Variants in RBMS3 observed in about 807,000 individuals in gnomAD.
RBMS3 encodes the protein RNA binding motif single stranded interacting protein 3, also known as RNA-binding motif, single-stranded-interacting protein 3.
In RBMS3, 27 loss-of-function variants were observed where a neutral mutation model predicts 66.8. The observed-to-expected ratio is 0.40, with a 90% CI of 0.30 to 0.56. The LOEUF (loss-of-function observed/expected upper bound fraction) is 0.56. Ranked by LOEUF, RBMS3 falls within the 20% of genes least tolerant of loss-of-function variation. The probability of loss-of-function intolerance (pLI) is 0.40; values close to 1 mark genes in which losing one functional copy is unlikely to be tolerated. For synonymous variants in RBMS3, 188 were observed against 183.0 expected (o/e 1.03, Z -0.22); for missense variants, 513 against 549.5 (o/e 0.93, Z 0.66).
At chr3:29,593,675 CCCCCATGGGGACAAG>C (rs2047843556) in intron 4 of RBMS3, among the ~76,000 whole-genome samples, 1 of 147,144 alleles carries the variant, frequency 6.8e-6, no homozygotes, top group African/African-American at 2.7e-5. Context: ...TCCCATTTTT[CCCCCATGGGGACAAG>C]GGCTGTAGGC....
At chr3:29,327,425 C>T (rs1043130401) in intron 1 of RBMS3, among the ~76,000 whole-genome samples, 4 of 152,136 alleles carry the variant, frequency 2.6e-5, no homozygotes, top group African/African-American at 9.7e-5. Context: ...AGAGTGTTCT[C>T]CAAAAAATGC....
At chr3:29,879,645 G>C (rs1338119872) in intron 7 of RBMS3, among the ~76,000 whole-genome samples, 1 of 151,888 alleles carries the variant, frequency 6.6e-6, no homozygotes, top group Non-Finnish European at 1.5e-5. Flanking sequence ...TTATGTATCA[G>C]GCCAGACCTC....
rs1491567884 is a variant in RBMS3, at chr3:29,527,181, T to TTAAAAAAAAAAAAAAAA, written c.307+38682_307+38683insTAAAAAAAAAAAAAAAA. 2.6e-3 allele frequency among the ~76,000 whole-genome samples: 227 copies of TTAAAAAAAAAAAAAAAA among 87,820 alleles called. 24 individuals carry two copies. The highest frequency in any genetic ancestry group is 7.1e-3 in the African/African-American group (149 of 21,076). 57.6% of individuals were successfully genotyped at this position (87,820 alleles called of 152,430 possible). ...TTTCAGACGTGATTGTTAGGTAGAGTAAAAAAAAAAAAAAAAAAAAAAAAA... is the reference window on the plus strand; with the variant it reads ...TTTCAGACGTGATTGTTAGGTAGAGTTAAAAAAAAAAAAAAAAAAAAAAAAAAAAAAAAAAAAAAAAA... On this transcript the variant is annotated intron_variant, in intron 3 of 14. Transcript: ENST00000383767.
chr3:29,604,267 A>T (rs1222167519), intron 4 of RBMS3, among the ~76,000 whole-genome samples: 2 of 151,962 alleles, frequency 1.3e-5, no homozygotes, highest in Non-Finnish European at 2.9e-5. Context: ...ATTTCATCTT[A>T]TAAGTGACAA....
intron 10 of RBMS3, among the ~76,000 whole-genome samples, chr3:29,915,018 T>C (rs2060604201): frequency 6.6e-6 from 1 of 151,648 alleles, no homozygotes; most frequent in South Asian, 2.1e-4. Flanking sequence ...ATAAGAAAAA[T>C]TTAAAAGTCC....
At chr3:29,944,109 T>C (rs1695139113) in intron 11 of RBMS3, 98 bp from the exon 12 acceptor site, 4 of 1,092,332 alleles carry the variant, frequency 3.7e-6, no homozygotes, top group Non-Finnish European at 5.5e-6. Flanking sequence ...CAGGCAACCA[T>C]ATGACACACA....
intron 1 of RBMS3, among the ~76,000 whole-genome samples, chr3:29,302,476 A>T (rs1416591463): frequency 6.6e-6 from 1 of 152,026 alleles, no homozygotes; most frequent in East Asian, 1.9e-4. Flanking sequence ...ATTGGAAAGA[A>T]AATTTCAGGG....
chr3:29,386,863 C>T (rs2039032438), intron 1 of RBMS3, among the ~76,000 whole-genome samples: 2 of 152,156 alleles, frequency 1.3e-5, no homozygotes, highest in African/African-American at 2.4e-5. Context: ...TTTTTGTCAA[C>T]GTCATCAAAG....
chr3:29,917,081 T>A (rs571772765), intron 10 of RBMS3, among the ~76,000 whole-genome samples: 18 of 152,040 alleles, frequency 1.2e-4, no homozygotes, highest in Non-Finnish European at 2.5e-4. Context: ...CATACATTTT[T>A]TGGGTGTCTG....
At chr3:29,604,414 T>C (rs2048252254) in intron 4 of RBMS3, among the ~76,000 whole-genome samples, 1 of 152,012 alleles carries the variant, frequency 6.6e-6, no homozygotes, top group Admixed American at 6.6e-5. Context: ...GTGACACTTC[T>C]ATTTTTTAAG....
intron 1 of RBMS3, among the ~76,000 whole-genome samples, chr3:29,351,028 A>G (rs7630791): frequency 0.24 from 36,740 of 151,984 alleles, 4,995 homozygotes; most frequent in Non-Finnish European, 0.31. Flanking sequence ...GCACATATAT[A>G]AAGTTATTAT....
chr3:29,852,314 G>A (rs182341414), intron 6 of RBMS3, among the ~76,000 whole-genome samples: 2 of 152,228 alleles, frequency 1.3e-5, no homozygotes, highest in Admixed American at 1.3e-4. Context: ...TGACAAATGG[G>A]ATCTAATTTA....
chr3:29,623,787 A>G (rs2048962736), intron 4 of RBMS3, among the ~76,000 whole-genome samples: 1 of 152,174 alleles, frequency 6.6e-6, no homozygotes, highest in South Asian at 2.1e-4. Flanking sequence ...GGACAATGGA[A>G]TGCTCCCTTC....
At chr3:29,865,852 A>G (rs1323374262) in intron 6 of RBMS3, among the ~76,000 whole-genome samples, 1 of 152,156 alleles carries the variant, frequency 6.6e-6, no homozygotes, top group Non-Finnish European at 1.5e-5. Flanking sequence ...TTCTTCCTCA[A>G]GGATGATACC....
intron 2 of RBMS3, among the ~76,000 whole-genome samples, chr3:29,463,527 C>T (rs72853368): frequency 0.028 from 4,178 of 149,740 alleles, 199 homozygotes; most frequent in African/African-American, 0.096. Context: ...CTGTCAGCAA[C>T]GATTACTCAT....
intron 3 of RBMS3, among the ~76,000 whole-genome samples, chr3:29,586,701 A>G (rs754503701): frequency 2.0e-5 from 3 of 152,114 alleles, no homozygotes; most frequent in Non-Finnish European, 4.4e-5. Context: ...AGTTCTTATC[A>G]TGGTTTTTGT....
At chr3:29,396,171 A>G (rs1388538004) in intron 1 of RBMS3, among the ~76,000 whole-genome samples, 2 of 152,082 alleles carry the variant, frequency 1.3e-5, no homozygotes, top group African/African-American at 2.4e-5. Flanking sequence ...TGAGAAGGAC[A>G]TAACATAACT....
intron 4 of RBMS3, among the ~76,000 whole-genome samples, chr3:29,630,556 C>T (rs2049247301): frequency 6.6e-6 from 1 of 151,886 alleles, no homozygotes; most frequent in South Asian, 2.1e-4. Context: ...AGAGAGAAAA[C>T]AAGCTCACTA....
intron 1 of RBMS3, among the ~76,000 whole-genome samples, chr3:29,358,490 G>A (rs2037362812): frequency 6.6e-6 from 1 of 152,162 alleles, no homozygotes; most frequent in South Asian, 2.1e-4. Context: ...GATGCCTCCA[G>A]CTTTGTTCTT....
Sources: allele counts gnomAD v4.1 joint callset (sites outside exome capture counted in the v4.1 genomes callset), GRCh38; gene constraint gnomAD v4.1.1; transcripts MANE v1.5; gene names NCBI Gene and HGNC (gene_info 2026-07-23, HGNC 2026-07-21).